The following ERAP1 variants were observed in gnomAD, a reference collection of about 807,000 sequenced individuals.
ERAP1 encodes the protein endoplasmic reticulum aminopeptidase 1.
Under a neutral mutation model 103.7 loss-of-function variants are expected in ERAP1, and 86 were observed. That is an observed-to-expected ratio of 0.83 (90% confidence interval 0.70 to 0.99). The LOEUF (loss-of-function observed/expected upper bound fraction) is 0.99, where lower values mean the gene tolerates loss of function less well. Among genes scored for constraint, ERAP1 ranks in the 50% least tolerant of loss-of-function variants. The probability of loss-of-function intolerance (pLI) is 0.00; values close to 1 mark genes in which losing one functional copy is unlikely to be tolerated. For synonymous variants in ERAP1, 398 were observed against 402.4 expected (o/e 0.99, Z 0.13); for missense variants, 1,009 against 1,128.4 (o/e 0.89, Z 1.52).
exon 20 of ERAP1, chr5:96,761,408 T>G (rs897181935): frequency 1.3e-5 from 2 of 152,306 alleles, no homozygotes; most frequent in East Asian, 3.8e-4. Flanking sequence ...AGGGTATAAA[T>G]GGACAATAAG....
At chr5:96,788,440 G>C (rs1776341276) in intron 11 of ERAP1, 91 bp downstream of exon 11, 7 of 1,453,774 alleles carry the variant, frequency 4.8e-6, no homozygotes. Context: ...TTTAGCAATA[G>C]TGGTAAGGGC....
At chr5:96,866,521 G>T in the ERAP1 span, among the ~76,000 whole-genome samples, 1 of 152,132 alleles carries the variant, frequency 6.6e-6, no homozygotes, top group Non-Finnish European at 1.5e-5. Flanking sequence ...TGCCCAACCC[G>T]GTTGATACGC....
intron 11 of ERAP1, 95 bp from the exon 12 acceptor site, chr5:96,786,644 G>A (rs893400715): frequency 2.5e-6 from 2 of 813,062 alleles, no homozygotes; most frequent in Admixed American, 4.0e-5. Flanking sequence ...GGTTAGTTTA[G>A]AACAAGATAG....
At chr5:96,829,620 C>T in the ERAP1 span, among the ~76,000 whole-genome samples, 5 of 152,070 alleles carry the variant, frequency 3.3e-5, no homozygotes, top group South Asian at 2.1e-4. Context: ...ATTAAATTAG[C>T]GAGGACACAG....
At chr5:96,853,194 C>G in the ERAP1 span, among the ~76,000 whole-genome samples, 91 of 152,218 alleles carry the variant, frequency 6.0e-4, no homozygotes, top group African/African-American at 2.0e-3. Context: ...AATAAATGAG[C>G]CTTTAGGTCC....
chr5:96,790,675 T>A lies in ERAP1; in HGVS notation c.1321-32A>T, dbSNP rs547091626. On this transcript the variant is annotated intron_variant, in intron 8 of 18. Coordinates refer to ENST00000443439, the MANE Select transcript of ERAP1 (RefSeq NM_001040458.3). ...AGATAATAGAAATAATTGTTATCTA[T>A]AGTTTCATTGCAGTCTCATCTGAAA... 3.7e-5 allele frequency: 58 copies of A among 1,587,836 alleles called. No individual in the cohort carries two copies. In the East Asian group the frequency reaches 1.2e-3, roughly 32 times the overall value.
intron 6 of ERAP1, 126 bp from the exon 7 acceptor site, chr5:96,793,639 A>G: frequency 9.0e-7 from 1 of 1,108,786 alleles, no homozygotes; most frequent in Non-Finnish European, 1.3e-6. Flanking sequence ...TAAAAATAAA[A>G]AAAGTTCAAC....
At chr5:96,900,843 ATT>A in the ERAP1 span, among the ~76,000 whole-genome samples, 1 of 151,914 alleles carries the variant, frequency 6.6e-6, no homozygotes, top group African/African-American at 2.4e-5. Flanking sequence ...TGCCCGGCTA[ATT>A]TTTTTGTATT....
upstream of ERAP1, chr5:96,808,236 G>T (rs1778911686): frequency 1.6e-6 from 1 of 622,536 alleles, no homozygotes; most frequent in Non-Finnish European, 2.0e-6. Flanking sequence ...GTGTGTGTGT[G>T]TGTGTGTGTG....
At chr5:96,879,988 C>T in the ERAP1 span, 2 of 1,614,028 alleles carry the variant, frequency 1.2e-6, no homozygotes, top group South Asian at 2.2e-5. Flanking sequence ...AAGTCTTGGT[C>T]AGCAATGCTA....
the ERAP1 span, among the ~76,000 whole-genome samples, chr5:96,887,668 G>A: frequency 6.6e-5 from 10 of 151,860 alleles, no homozygotes; most frequent in South Asian, 2.1e-4. Context: ...TAGAGTCTTC[G>A]TTGTTTGCAA....
exon 20 of ERAP1, chr5:96,761,131 GAATTA>G (rs1329203758): frequency 1.3e-5 from 2 of 152,110 alleles, no homozygotes; most frequent in Admixed American, 1.3e-4. Flanking sequence ...AGCATTAGAT[GAATTA>G]AATAACATAT....
the ERAP1 span, among the ~76,000 whole-genome samples, chr5:96,849,390 G>A: frequency 0.048 from 7,275 of 152,230 alleles, 212 homozygotes; most frequent in South Asian, 0.11. Context: ...CTAAAAAACT[G>A]TTAGAACTAA....
the ERAP1 span, among the ~76,000 whole-genome samples, chr5:96,916,620 T>C: frequency 6.6e-6 from 1 of 151,732 alleles, no homozygotes; most frequent in South Asian, 2.1e-4. Flanking sequence ...GCTGCCACCA[T>C]GCCCACCTAA....
chr5:96,772,274 G>A (rs1772695462), downstream of ERAP1: 1 of 153,642 alleles, frequency 6.5e-6, no homozygotes, highest in African/African-American at 2.4e-5. Flanking sequence ...GGATTTCTGA[G>A]ATCTTCAGAA....
At chr5:96,864,121 T>A in the ERAP1 span, among the ~76,000 whole-genome samples, 1 of 152,188 alleles carries the variant, frequency 6.6e-6, no homozygotes, top group Non-Finnish European at 1.5e-5. Context: ...GGGGCAATAG[T>A]TGACTTCCTG....
chr5:96,887,920 G>C, the ERAP1 span, among the ~76,000 whole-genome samples: 1 of 152,122 alleles, frequency 6.6e-6, no homozygotes, highest in Non-Finnish European at 1.5e-5. Context: ...GAGGTCAGGA[G>C]TTTGAGACCA....
At chr5:96,771,235 G>A (rs1013339347), downstream of ERAP1, among the ~76,000 whole-genome samples, 11 of 152,148 alleles carry the variant, frequency 7.2e-5, no homozygotes, top group East Asian at 1.9e-4. Flanking sequence ...TCAGTTATAC[G>A]AAGTACTTAA....
At chr5:96,836,531 G>A in the ERAP1 span, among the ~76,000 whole-genome samples, 1 of 152,116 alleles carries the variant, frequency 6.6e-6, no homozygotes, top group Non-Finnish European at 1.5e-5. Flanking sequence ...AAATTAAAGG[G>A]AGACCTAACT....
Sources: gnomAD v4.1 joint callset for allele counts (sites outside exome capture counted in the v4.1 genomes callset) on GRCh38, gnomAD v4.1.1 for gene constraint, MANE v1.5 for transcripts, NCBI Gene and HGNC (gene_info 2026-07-23, HGNC 2026-07-21) for gene names.